Variants in PFKFB3 observed in about 807,000 individuals in gnomAD.
PFKFB3 encodes the protein 6-phosphofructo-2-kinase/fructose-2,6-bisphosphatase 3.
In PFKFB3, 33 loss-of-function variants were observed where a neutral mutation model predicts 68.0. The observed-to-expected ratio is 0.49, with a 90% CI of 0.37 to 0.65. PFKFB3 has a LOEUF of 0.65. PFKFB3 is among the 30% of genes least tolerant of loss of function. PFKFB3 has a pLI of 0.00. For missense variants in PFKFB3, 586 were observed against 712.2 expected (o/e 0.82, Z 2.02); for synonymous variants, 315 against 288.2 (o/e 1.09, Z -0.94).
chr10:6,168,306 T>C (rs1206255132), intron 1 of PFKFB3, among the ~76,000 whole-genome samples: 1 of 152,170 alleles, frequency 6.6e-6, no homozygotes, highest in African/African-American at 2.4e-5. Flanking sequence ...TCAGCTGTCC[T>C]AGAATGTCCT....
chr10:6,281,817 GT>G, the PFKFB3 span, among the ~76,000 whole-genome samples: 1 of 152,136 alleles, frequency 6.6e-6, no homozygotes, highest in East Asian at 1.9e-4. Flanking sequence ...CTTCACTTTA[GT>G]AAGAAGGCAG....
Position 6,226,195 on chromosome 10 carries a change from G to A in PFKFB3, c.1345G>A (p.Ala449Thr). ...CTTTTGTCTTTGTCTTGCTTAGGATGCAAAGAAGGGACCTAACCCGCTCAT... is the reference window on the plus strand; with the variant it reads ...CTTTTGTCTTTGTCTTGCTTAGGATACAAAGAAGGGACCTAACCCGCTCAT... Reference protein sequence around the residue: ...VCTHRERSEDAKKGPNPLMRR... With the variant: ...VCTHRERSEDTKKGPNPLMRR... The change falls in exon 14 of 15, where the codon GCA becomes ACA. Residue 449 changes from alanine (A) to threonine (T), a missense_variant. Physicochemically the swap from Ala to Thr is moderately conservative, Grantham distance 58 (BLOSUM62 0). Transcript: ENST00000379775. 1.3e-6 allele frequency: 2 copies of A among 1,582,866 alleles called. No individual in the cohort carries two copies. Among genetic ancestry groups the A allele is most frequent in the Non-Finnish European group, 8.6e-7 (1 of 1,166,588 alleles).
chr10:6,268,612 G>A, the PFKFB3 span, among the ~76,000 whole-genome samples: 1 of 150,132 alleles, frequency 6.7e-6, no homozygotes, highest in Non-Finnish European at 1.5e-5. Flanking sequence ...GTGACAGAAT[G>A]ATACTCCGTC....
chr10:6,259,271 CCCAA>C (rs1846518032), downstream of PFKFB3, among the ~76,000 whole-genome samples: 1 of 146,640 alleles, frequency 6.8e-6, no homozygotes, highest in African/African-American at 2.5e-5. Flanking sequence ...CATCCATCCA[CCCAA>C]CCATCCATCC....
At chr10:6,309,482 C>G in the PFKFB3 span, among the ~76,000 whole-genome samples, 1 of 151,880 alleles carries the variant, frequency 6.6e-6, no homozygotes, top group South Asian at 2.1e-4. Flanking sequence ...ATTAGCCAGG[C>G]ATGGTGGTGC....
the PFKFB3 span, among the ~76,000 whole-genome samples, chr10:6,285,593 C>G: frequency 6.6e-6 from 1 of 152,154 alleles, no homozygotes; most frequent in Non-Finnish European, 1.5e-5. Context: ...ACCCTCTTAT[C>G]AGATTTTTGA....
At chr10:6,307,117 G>A in the PFKFB3 span, among the ~76,000 whole-genome samples, 8 of 152,128 alleles carry the variant, frequency 5.3e-5, no homozygotes, top group East Asian at 1.9e-4. Context: ...TCCAGCAGGC[G>A]GCCTCCAGGC....
At position 6,216,774 on chromosome 10, in the gene PFKFB3, C is replaced by CT. The variant is rs1844614084; in HGVS notation, c.438dup (p.Lys147Ter). On this transcript the variant is annotated frameshift_variant, in exon 5 of 15. Coordinates refer to ENST00000379775, the MANE Select transcript of PFKFB3 (RefSeq NM_004566.4). LOFTEE classifies it high-confidence loss of function. ...TCCTTCATTTTGCCAAAGAAAATGA[C>CT]TTTAAGGTGAGCTGAGCGTCTTGTG... 1 of 1,610,900 alleles carries CT rather than the reference C, an allele frequency of 6.2e-7. No individual in the cohort carries two copies. Among genetic ancestry groups the CT allele is most frequent in the Non-Finnish European group, 8.5e-7 (1 of 1,177,156 alleles).
the PFKFB3 span, among the ~76,000 whole-genome samples, chr10:6,279,334 T>G: frequency 6.6e-3 from 999 of 152,334 alleles, 7 homozygotes; most frequent in African/African-American, 0.023. Flanking sequence ...TAACATCGTA[T>G]GCATATTTTT....
intron 1 of PFKFB3, among the ~76,000 whole-genome samples, chr10:6,209,196 T>G (rs1392840857): frequency 6.6e-6 from 1 of 152,204 alleles, no homozygotes; most frequent in Non-Finnish European, 1.5e-5. Flanking sequence ...GTTGTAACCA[T>G]GACAACACTT....
chr10:6,189,015 T>A (rs1588444587), intron 1 of PFKFB3, among the ~76,000 whole-genome samples: 2 of 151,902 alleles, frequency 1.3e-5, no homozygotes, highest in African/African-American at 2.4e-5. Context: ...TTTAAAAAAA[T>A]TTTTTAGTGG....
At chr10:6,192,556 G>A (rs376135332) in intron 1 of PFKFB3, among the ~76,000 whole-genome samples, 25 of 152,050 alleles carry the variant, frequency 1.6e-4, no homozygotes, top group African/African-American at 5.6e-4. Flanking sequence ...CGGGTCACCC[G>A]GGCATGCTTC....
intron 1 of PFKFB3, among the ~76,000 whole-genome samples, chr10:6,166,411 G>A (rs183872108): frequency 6.6e-6 from 1 of 151,342 alleles, no homozygotes; most frequent in Non-Finnish European, 1.5e-5. Context: ...TTTTTTCTGA[G>A]CCTCTTCCTC....
chr10:6,324,848 G>A, the PFKFB3 span, among the ~76,000 whole-genome samples: 1 of 151,970 alleles, frequency 6.6e-6, no homozygotes, highest in Non-Finnish European at 1.5e-5. Flanking sequence ...AGCATTGGAA[G>A]TAGAGCAGTG....
At chr10:6,216,597 T>C in intron 4 of PFKFB3, 109 bp from the exon 5 acceptor site, 1 of 818,914 alleles carries the variant, frequency 1.2e-6, no homozygotes, top group Non-Finnish European at 2.1e-6. Context: ...CTGAAGCACT[T>C]TTGGGGCTTA....
chr10:6,220,918 T>C lies in PFKFB3; in HGVS notation c.831+53T>C. 2 of 1,521,644 alleles carry C rather than the reference T, an allele frequency of 1.3e-6. No individual in the cohort carries two copies. The highest frequency in any genetic ancestry group is 1.8e-6 in the Non-Finnish European group (2 of 1,106,768). 94.3% of individuals were successfully genotyped at this position (1,521,644 alleles called of 1,614,324 possible). A position where few individuals can be genotyped will look rare whatever the true frequency, so the allele number is the denominator to read the frequency against. On this transcript the variant is annotated intron_variant, in intron 8 of 14. Coordinates refer to ENST00000379775, the MANE Select transcript of PFKFB3 (RefSeq NM_004566.4). The surrounding 1 kb of genome is among the most constrained non-coding windows in gnomAD (Gnocchi z 4.1). The stretch of plus-strand genomic sequence containing the variant: ...TTCTGGCTGTAGGGCGGTTGCAGGG[T>C]CTATAGGGTGGGTGGGGAGCTGTGT...
chr10:6,319,446 G>A, the PFKFB3 span, among the ~76,000 whole-genome samples: 1 of 152,132 alleles, frequency 6.6e-6, no homozygotes, highest in Non-Finnish European at 1.5e-5. Flanking sequence ...ATAAGTGGGA[G>A]CTAACTAATG....
At chr10:6,246,377 T>G (rs1036364558) in intron 14 of PFKFB3, among the ~76,000 whole-genome samples, 1 of 151,186 alleles carries the variant, frequency 6.6e-6, no homozygotes, top group African/African-American at 2.4e-5. Flanking sequence ...CTCACTCTGT[T>G]TCCCAGGATT....
intron 14 of PFKFB3, among the ~76,000 whole-genome samples, chr10:6,244,841 A>G (rs1402047979): frequency 2.0e-5 from 3 of 152,212 alleles, no homozygotes; most frequent in Non-Finnish European, 4.4e-5. Flanking sequence ...GAGAGTTCCT[A>G]TTAATGGCCC....
Sources: gnomAD v4.1 joint callset for allele counts (sites outside exome capture counted in the v4.1 genomes callset) on GRCh38, gnomAD v4.1.1 for gene constraint, Gnocchi (gnomAD v3.1) non-coding constraint, MANE v1.5 for transcripts, NCBI Gene and HGNC (gene_info 2026-07-23, HGNC 2026-07-21) for gene names.